Variants in KAZN observed in about 807,000 individuals in gnomAD.
KAZN encodes kazrin.
Under a neutral mutation model 87.4 loss-of-function variants are expected in KAZN, and 40 were observed. That is an observed-to-expected ratio of 0.46 (90% CI 0.36 to 0.60). KAZN has a LOEUF of 0.60. Among genes scored for constraint, KAZN ranks in the 20% least tolerant of loss-of-function variants. The pLI is 0.00. For missense variants in KAZN, 898 were observed against 1,073.9 expected (o/e 0.84, Z 2.29); for synonymous variants, 466 against 458.3 (o/e 1.02, Z -0.22).
Position 15,099,956 on chromosome 1 carries a change from C to T in KAZN, c.1548-1587C>T, listed in dbSNP as rs147791984. ...TGGGAGCTGGGTGACAGAGAAGGGC[C>T]CCTGGGTGACGGTGACAGTGACAGT... On this transcript the variant is annotated intron_variant, in intron 10 of 14. Transcript: ENST00000376030. This position sits in a 1 kb window ranked among gnomAD's most constrained non-coding sequence, Gnocchi z 5.4. Among the ~76,000 whole-genome samples the T allele has an allele frequency of 3.5e-4, 54 of 152,160 alleles. No homozygotes were observed. In the East Asian group the frequency reaches 9.5e-3, roughly 27 times the overall value.
At chr1:14,819,701 A>C (rs1204460113) in intron 1 of KAZN, among the ~76,000 whole-genome samples, 2 of 146,860 alleles carry the variant, frequency 1.4e-5, no homozygotes, top group African/African-American at 5.2e-5. Flanking sequence ...CCTTTGAAAA[A>C]AAATCTTTTT....
In KAZN at chr1:15,001,059, T is replaced by C. The variant is rs1185460294; in HGVS notation, c.419-33690T>C. 4.0e-5 allele frequency among the ~76,000 whole-genome samples: 6 copies of C among 149,622 alleles called. 1 individual carries two copies. The highest frequency in any genetic ancestry group is 1.5e-4 in the African/African-American group (6 of 39,062). Reference sequence around the variant, plus strand: ...TCGAGACTGCAGTGAGCCATGGTGGTGCCACTGCGCTCCAGCCTGGGTGAC... The same window carrying C: ...TCGAGACTGCAGTGAGCCATGGTGGCGCCACTGCGCTCCAGCCTGGGTGAC... On this transcript the variant is annotated intron_variant, in intron 2 of 14. Transcript: ENST00000376030.
chr1:14,253,972 G>A (rs1168218720), intron 2 of KAZN, among the ~76,000 whole-genome samples: 8 of 95,910 alleles, frequency 8.3e-5, no homozygotes, highest in Non-Finnish European at 1.4e-4. Context: ...GGGGGGTGGG[G>A]GTGCATGCAT....
chr1:14,315,819 G>T (rs1342265475), intron 2 of KAZN, among the ~76,000 whole-genome samples: 1 of 151,892 alleles, frequency 6.6e-6, no homozygotes, highest in Non-Finnish European at 1.5e-5. Context: ...TATTAGGGTT[G>T]TTTCCAATTT....
At chr1:14,156,469 A>G (rs566558116) in intron 1 of KAZN, among the ~76,000 whole-genome samples, 23 of 152,282 alleles carry the variant, frequency 1.5e-4, no homozygotes, top group African/African-American at 5.1e-4. Context: ...ATTGGAGTCT[A>G]TCTCTCTCTT....
At chr1:14,505,231 G>A (rs10927449) in intron 2 of KAZN, among the ~76,000 whole-genome samples, 1 of 151,964 alleles carries the variant, frequency 6.6e-6, no homozygotes, top group Non-Finnish European at 1.5e-5. Flanking sequence ...TGGGCCAGCC[G>A]AGGCCAGTGG....
chr1:14,481,722 T>C (rs1024871955), intron 2 of KAZN, among the ~76,000 whole-genome samples: 4 of 151,866 alleles, frequency 2.6e-5, no homozygotes, highest in African/African-American at 4.8e-5. Context: ...GGGAGATGTA[T>C]ACACAGGGCA....
chr1:14,134,998 CACACAT>C (rs58244585), intron 1 of KAZN, among the ~76,000 whole-genome samples: 48,766 of 118,466 alleles, frequency 0.41, 8,155 homozygotes, highest in East Asian at 0.55. Context: ...CACACACACA[CACACAT>C]GTGCACACAT....
chr1:14,444,739 C>G (rs890394851), intron 2 of KAZN, among the ~76,000 whole-genome samples: 2 of 152,058 alleles, frequency 1.3e-5, no homozygotes, highest in African/African-American at 4.8e-5. Context: ...TTCAGGACCT[C>G]GAAATTTAAA....
intron 1 of KAZN, among the ~76,000 whole-genome samples, chr1:14,892,120 T>C (rs997179516): frequency 5.3e-5 from 8 of 152,128 alleles, no homozygotes; most frequent in African/African-American, 1.9e-4. Context: ...CCAGATGGGA[T>C]GGTGACCCTG....
At chr1:14,869,741 G>A (rs1202799174) in intron 1 of KAZN, among the ~76,000 whole-genome samples, 2 of 152,202 alleles carry the variant, frequency 1.3e-5, no homozygotes, top group East Asian at 1.9e-4. Flanking sequence ...ACTTGCTTCT[G>A]TTCTCCTTCG....
intron 1 of KAZN, among the ~76,000 whole-genome samples, chr1:14,799,020 G>T (rs530929414): frequency 2.9e-3 from 435 of 151,592 alleles, no homozygotes; most frequent in Non-Finnish European, 4.1e-3. Flanking sequence ...CAAGTGATCT[G>T]CCTGCCTCAG....
chr1:14,781,104 C>T (rs558288726), intron 1 of KAZN, among the ~76,000 whole-genome samples: 22 of 152,072 alleles, frequency 1.4e-4, no homozygotes, highest in East Asian at 1.4e-3. Flanking sequence ...AGGTGGATCA[C>T]GAGGTCAGGA....
chr1:14,989,000 C>A (rs1183133799), intron 2 of KAZN, among the ~76,000 whole-genome samples: 2 of 152,226 alleles, frequency 1.3e-5, no homozygotes, highest in African/African-American at 4.8e-5. Flanking sequence ...TGCACCACCA[C>A]CTTCAACAGC....
chr1:14,425,016 A>T (rs1273373259), intron 2 of KAZN, among the ~76,000 whole-genome samples: 1 of 152,254 alleles, frequency 6.6e-6, no homozygotes, highest in African/African-American at 2.4e-5. Context: ...AGTCACTTTA[A>T]CAAAACAGAG....
At chr1:14,754,876 C>T (rs1644513034) in intron 1 of KAZN, among the ~76,000 whole-genome samples, 1 of 152,028 alleles carries the variant, frequency 6.6e-6, no homozygotes, top group African/African-American at 2.4e-5. Flanking sequence ...CCTTGCTGAA[C>T]CTCTGCCTTT....
At position 14,462,501 on chromosome 1, in the gene KAZN, C is replaced by T. The variant is rs1429882944; in HGVS notation, c.250-136482C>T. On this transcript the variant is annotated intron_variant, in intron 2 of 16. Transcript: ENST00000636203. ...TGTTCTAGGATTTCATAACCTTGAT[C>T]CTAAAGTCCTTTTGCTTGGGGGGCT... Among the ~76,000 whole-genome samples, 3 of 152,256 alleles carry T rather than the reference C, an allele frequency of 2.0e-5. No homozygotes were observed. In the East Asian group the frequency reaches 5.8e-4, roughly 29 times the overall value.
At chr1:14,748,619 C>G (rs1042910637) in intron 1 of KAZN, among the ~76,000 whole-genome samples, 2 of 152,206 alleles carry the variant, frequency 1.3e-5, no homozygotes, top group Non-Finnish European at 2.9e-5. Flanking sequence ...GCAAATGTCT[C>G]AAAGCTTTTC....
At chr1:15,065,297 G>A (rs937683385) in intron 7 of KAZN, among the ~76,000 whole-genome samples, 1 of 152,048 alleles carries the variant, frequency 6.6e-6, no homozygotes, top group Non-Finnish European at 1.5e-5. Flanking sequence ...CAAAGTGCTG[G>A]GATTACAGGT....
Sources: gnomAD v4.1 joint callset for allele counts (sites outside exome capture counted in the v4.1 genomes callset) on GRCh38, gnomAD v4.1.1 for gene constraint, Gnocchi (gnomAD v3.1) non-coding constraint, MANE v1.5 for transcripts, NCBI Gene and HGNC (gene_info 2026-07-23, HGNC 2026-07-21) for gene names.